The following ZNF839 variants were observed in gnomAD, a reference collection of about 807,000 sequenced individuals.
The protein encoded by ZNF839 is zinc finger protein 839.
A neutral mutation model predicts 56.4 loss-of-function variants in ZNF839; 38 were observed. The observed-to-expected ratio is 0.67, with a 90% CI of 0.52 to 0.88. The LOEUF (loss-of-function observed/expected upper bound fraction) is 0.88. Ranked by LOEUF, ZNF839 falls within the 40% of genes least tolerant of loss-of-function variation. The pLI is 0.00. For missense variants in ZNF839, 1,091 were observed against 1,177.6 expected (o/e 0.93, Z 1.08); for synonymous variants, 486 against 493.5 (o/e 0.98, Z 0.20).
chr14:102,322,294 C>T (rs1383757734), intron 1 of ZNF839, among the ~76,000 whole-genome samples: 1 of 152,188 alleles, frequency 6.6e-6, no homozygotes, highest in African/African-American at 2.4e-5. Flanking sequence ...CTTGGGGCCT[C>T]ACCCCAGGAG....
In ZNF839 at chr14:102,335,817, C is replaced by A; in HGVS notation, c.1638C>A (p.Thr546=). Residue 546 remains threonine (T), a synonymous_variant, in exon 5 of 8, where the codon ACC becomes ACA. Coordinates refer to ENST00000442396, the MANE Select transcript of ZNF839 (RefSeq NM_018335.6). The stretch of plus-strand genomic sequence containing the variant: ...GTTCTGGTCTGTGTTCCCAGGAGAC[C>A]CTGGAAATAAACAATGATAAGGTAA... ...LSSSGLCSQE[T]LEINNDKVAE... is the part of the protein sequence containing the mutation. 2 of 1,609,688 alleles carry A rather than the reference C, an allele frequency of 1.2e-6. No homozygotes were observed. The highest frequency in any genetic ancestry group is 1.7e-6 in the Non-Finnish European group (2 of 1,179,780).
intron 3 of ZNF839, among the ~76,000 whole-genome samples, chr14:102,333,169 C>T (rs999994324): frequency 5.9e-5 from 9 of 151,712 alleles, no homozygotes; most frequent in African/African-American, 2.2e-4. Context: ...AGCTTTTCTG[C>T]TTGTTTTGCG....
At position 102,329,896 on chromosome 14, in the gene ZNF839, C is replaced by T. The variant is rs139338409; in HGVS notation, c.1192-1726C>T. ...GCAACCTCCATCTCCTGGGTTCAGG[C>T]GATTCTCCTGCCTCAGCCTCCCGAG... On this transcript the variant is annotated intron_variant, in intron 2 of 7. Transcript: ENST00000442396. Among the ~76,000 whole-genome samples, 97 of 144,056 alleles carry T rather than the reference C, an allele frequency of 6.7e-4. 1 individual carries two copies. In the East Asian group the frequency reaches 7.6e-3, roughly 11 times the overall value. 94.5% of individuals were successfully genotyped at this position (144,056 alleles called of 152,430 possible).
intron 5 of ZNF839, chr14:102,337,572 T>C (rs1171906390): frequency 1.3e-5 from 2 of 152,108 alleles, no homozygotes; most frequent in East Asian, 3.9e-4. Context: ...AACTCTTGAG[T>C]TTAGCAAGTG....
rs769503706 is a variant in ZNF839, at chr14:102,341,665, A to G, written c.2270A>G (p.Glu757Gly). Reference protein sequence around the residue: ...CSPLSSGGGAESLPPGGPGHA... With the variant: ...CSPLSSGGGAGSLPPGGPGHA... ...CCTTTGTCATCTGGTGGTGGAGCAG[A>G]GTCCCTGCCGCCTGGGGGGCCTGGA... Residue 757 changes from glutamate to glycine, a missense_variant, in exon 8 of 8, where the codon GAG (glutamate) becomes GGG (glycine). Coordinates refer to ENST00000442396, the MANE Select transcript of ZNF839 (RefSeq NM_018335.6). 3.1e-6 allele frequency: 5 copies of G among 1,613,910 alleles called. No homozygotes were observed. The highest frequency in any genetic ancestry group is 1.1e-5 in the South Asian group (1 of 91,084).
At chr14:102,328,368 AAAAAAAAATATATATATATATATATAT>A (rs2073542255) in intron 2 of ZNF839, among the ~76,000 whole-genome samples, 1 of 51,458 alleles carries the variant, frequency 1.9e-5, no homozygotes, top group Non-Finnish European at 3.5e-5. Context: ...AAAAAAAAAA[AAAAAAAAATATATATATATATATATAT>A]ATATATATAT....
rs761136954 is a variant in ZNF839 at position 102,319,920 on chromosome 14, AGCCGCCGCC to A, written c.165_173del (p.Pro57_Pro59del). The A allele has an allele frequency of 4.5e-6, 5 of 1,122,252 alleles. No individual in the cohort carries two copies. Among genetic ancestry groups the A allele is most frequent in the Middle Eastern group, 3.8e-4 (1 of 2,632 alleles). The allele number at this position is 1,122,252 out of a possible 1,614,324, so 69.5% of individuals were successfully genotyped here. A position where few individuals can be genotyped will look rare whatever the true frequency, so the allele number is the denominator to read the frequency against. The stretch of plus-strand genomic sequence containing the variant: ...GTCCTGGAGCAGGTGACGAAGGCGC[AGCCGCCGCC>A]GCCGCCGCCCCCCTTCGTGCTGCGG... On this transcript the variant is annotated inframe_deletion, in exon 1 of 8. Transcript: ENST00000442396. The surrounding 1 kb of genome is among the most constrained non-coding windows in gnomAD (Gnocchi z 4.5).
chr14:102,330,444 G>C (rs2073718842), intron 2 of ZNF839, among the ~76,000 whole-genome samples: 1 of 151,792 alleles, frequency 6.6e-6, no homozygotes, highest in South Asian at 2.1e-4. Context: ...ATGTTGGCCA[G>C]GCTAGTCTCA....
rs780317610 is a variant in ZNF839, at chr14:102,335,685, G to T, written c.1510-4G>T. 4 of 1,587,940 alleles carry T rather than the reference G, an allele frequency of 2.5e-6. No individual in the cohort carries two copies. The highest frequency in any genetic ancestry group is 3.5e-5 in the Admixed American group (2 of 57,082). On this transcript the variant is annotated splice_polypyrimidine_tract_variant and splice_region_variant and intron_variant, in intron 4 of 7. Transcript: ENST00000442396. ...CTTTTTTTTTGGTCTTTATCTTCAC[G>T]AAGGTTGAAAAAGATCATCTAGCAA...
chr14:102,318,556 C>T (rs1321003474), upstream of ZNF839, among the ~76,000 whole-genome samples: 2 of 151,956 alleles, frequency 1.3e-5, no homozygotes, highest in Non-Finnish European at 2.9e-5. Context: ...CCGCATGAAC[C>T]CAGGCGATGG....
In ZNF839 at chr14:102,341,571, G is replaced by A; in HGVS notation, c.2176G>A (p.Glu726Lys). The A allele has an allele frequency of 6.2e-7, 1 of 1,613,436 alleles. No individual in the cohort carries two copies. Among genetic ancestry groups the A allele is most frequent in the Non-Finnish European group, 8.5e-7 (1 of 1,179,632 alleles). ...TQAQVAAFPG[E>K]NALEHSSDQD... ...GGCACAGGTGGCAGCGTTTCCTGGA[G>A]AGAATGCTTTGGAACACTCTTCAGA... Residue 726 changes from glutamate to lysine, a missense_variant, in exon 8 of 8, where the codon GAG becomes AAG. This residue lies in a region of ZNF839 where 431 missense variants were observed against 468.0 expected (regional missense o/e 0.92). Coordinates refer to ENST00000442396, the MANE Select transcript of ZNF839 (RefSeq NM_018335.6).
Position 102,319,801 on chromosome 14 carries a change from C to G in ZNF839, c.36C>G (p.Ser12Arg). Residue 12 changes from serine to arginine, a missense_variant, in exon 1 of 8, where the codon AGC (serine) becomes AGG (arginine). This residue lies in a region of ZNF839 where 614 missense variants were observed against 629.2 expected (regional missense o/e 0.98). Coordinates refer to ENST00000442396, the MANE Select transcript of ZNF839 (RefSeq NM_018335.6). This position sits in a 1 kb window ranked among gnomAD's most constrained non-coding sequence, Gnocchi z 4.5. ...CGGAGCCGGAGGCTGGGGGCGGCAG[C>G]GAGGATGGCGGCGGCGGCGGCGGCC... ...ADAEPEAGGG[S>R]EDGGGGGGPA... 8.1e-7 allele frequency: 1 copy of G among 1,231,744 alleles called. No individual in the cohort carries two copies. The highest frequency in any genetic ancestry group is 1.0e-6 in the Non-Finnish European group (1 of 987,942). The allele number at this position is 1,231,744 out of a possible 1,614,324, so 76.3% of individuals were successfully genotyped here.
At chr14:102,339,576 C>T (rs1228763142) in intron 7 of ZNF839, among the ~76,000 whole-genome samples, 1 of 152,166 alleles carries the variant, frequency 6.6e-6, no homozygotes, top group Non-Finnish European at 1.5e-5. Flanking sequence ...AAAACCCCGT[C>T]TCTACTAAAA....
intron 3 of ZNF839, among the ~76,000 whole-genome samples, chr14:102,333,359 A>G (rs1257049923): frequency 6.8e-6 from 1 of 146,926 alleles, no homozygotes; most frequent in Non-Finnish European, 1.5e-5. Context: ...CCCAGGCTCA[A>G]TTGATCTTCC....
upstream of ZNF839, among the ~76,000 whole-genome samples, chr14:102,318,256 C>T (rs1343041144): frequency 6.6e-6 from 1 of 152,228 alleles, no homozygotes; most frequent in African/African-American, 2.4e-5. Context: ...GTGGAGGTTG[C>T]TGCCCTCAAG....
Position 102,341,988 on chromosome 14 carries a change from G to A in ZNF839, c.2593G>A (p.Ala865Thr). Residue 865 changes from alanine to threonine, a missense_variant, in exon 8 of 8, where the codon GCT becomes ACT. Physicochemically the swap from Ala to Thr is moderately conservative, Grantham distance 58. Around this residue, in one of 3 missense-constraint regions of ZNF839, gnomAD observed 431 missense variants for 468.0 expected, o/e 0.92. Coordinates refer to ENST00000442396, the MANE Select transcript of ZNF839 (RefSeq NM_018335.6). ...SGQRELESVV[A>T]VGEAMAFEIS... ...CCAGAGAGAACTGGAGAGCGTGGTT[G>A]CTGTCGGCGAAGCCATGGCTTTTGA... 6.2e-7 allele frequency: 1 copy of A among 1,614,054 alleles called. No homozygotes were observed. The highest frequency in any genetic ancestry group is 8.5e-7 in the Non-Finnish European group (1 of 1,179,892).
In ZNF839 at chr14:102,330,715, A is replaced by T. The variant is rs140511029; in HGVS notation, c.1192-907A>T. Among the ~76,000 whole-genome samples, 1,496 of 151,730 alleles carry T rather than the reference A, an allele frequency of 9.9e-3. 25 individuals carry two copies. The highest frequency in any genetic ancestry group is 0.034 in the African/African-American group (1,425 of 41,342). ...GTAATTTTAGTAGAGACAGGGTTTC[A>T]CCGTGTTGTCTAGGCTGGTCTCAAA... On this transcript the variant is annotated intron_variant, in intron 2 of 7. Coordinates refer to ENST00000442396, the MANE Select transcript of ZNF839 (RefSeq NM_018335.6).
chr14:102,335,940 A>AC, intron 5 of ZNF839, 102 bp downstream of exon 5: 1 of 1,342,312 alleles, frequency 7.4e-7, no homozygotes, highest in Non-Finnish European at 1.0e-6. Context: ...GTGCTTTGGG[A>AC]GACTGAGGCA....
chr14:102,322,086 G>A (rs2073159257), intron 1 of ZNF839, among the ~76,000 whole-genome samples: 2 of 152,004 alleles, frequency 1.3e-5, no homozygotes, highest in Admixed American at 6.6e-5. Flanking sequence ...TTTTTCACCT[G>A]GCAAAAATTC....
Sources: allele counts gnomAD v4.1 joint callset (sites outside exome capture counted in the v4.1 genomes callset), GRCh38; gene constraint gnomAD v4.1.1; regional missense constraint gnomAD v4.1.1; non-coding constraint Gnocchi (gnomAD v3.1); transcripts MANE v1.5; gene names NCBI Gene and HGNC (gene_info 2026-07-23, HGNC 2026-07-21).